The following BFAR variants were observed in gnomAD, a reference collection of about 807,000 sequenced individuals.
The protein encoded by BFAR is RING finger protein 47.
In BFAR, 52 loss-of-function variants were observed where a neutral mutation model predicts 54.4. The ratio of observed to expected loss-of-function variants is 0.96; its 90% CI spans 0.77 to 1.21. BFAR has a LOEUF of 1.21. BFAR is among the 50% of genes most tolerant of loss of function. The probability of loss-of-function intolerance (pLI) is 0.00; values close to 1 mark genes in which losing one functional copy is unlikely to be tolerated. For synonymous variants in BFAR, 215 were observed against 204.3 expected (o/e 1.05, Z -0.45); for missense variants, 571 against 534.0 (o/e 1.07, Z -0.68).
intron 6 of BFAR, among the ~76,000 whole-genome samples, chr16:14,664,057 A>C: frequency 6.6e-6 from 1 of 152,154 alleles, no homozygotes; most frequent in South Asian, 2.1e-4. Flanking sequence ...AGCCTGGCCA[A>C]CATGGCAAAA....
At chr16:14,642,496 A>G (rs1036112041) in intron 1 of BFAR, among the ~76,000 whole-genome samples, 1 of 152,184 alleles carries the variant, frequency 6.6e-6, no homozygotes, top group African/African-American at 2.4e-5. Context: ...AGATGAAAAC[A>G]AGAAGAGAAT....
In BFAR at chr16:14,659,735, A is replaced by G. The variant is rs1596990386; in HGVS notation, c.784-2157A>G. Among the ~76,000 whole-genome samples the G allele has an allele frequency of 1.4e-5, 2 of 147,086 alleles. 1 individual carries two copies. Among genetic ancestry groups the G allele is most frequent in the South Asian group, 4.3e-4 (2 of 4,612 alleles). ...CCGGCTAATTTTTTGTATTTTTAGT[A>G]GAGACGGGATTTCACCGTTTTAGCC... On this transcript the variant is annotated intron_variant, in intron 5 of 7. Transcript: ENST00000261658.
In BFAR at chr16:14,650,001, G is replaced by A. The variant is rs199502757; in HGVS notation, c.638+28G>A. The A allele has an allele frequency of 2.2e-5, 34 of 1,571,630 alleles. No homozygotes were observed. The East Asian group carries it at 4.1e-4, about 19-fold the overall frequency. ...GAGGAGCAAAGTCTTCTGACACACC[G>A]TGGACATTTTAGAAAACAGCTTTCT... On this transcript the variant is annotated intron_variant, in intron 4 of 7. Coordinates refer to ENST00000261658, the MANE Select transcript of BFAR (RefSeq NM_016561.3).
At chr16:14,662,464 C>T (rs1161488544) in intron 6 of BFAR, among the ~76,000 whole-genome samples, 2 of 152,134 alleles carry the variant, frequency 1.3e-5, no homozygotes, top group Admixed American at 1.3e-4. Flanking sequence ...ACCCAGTCTC[C>T]ACTTGCTGTT....
intron 1 of BFAR, among the ~76,000 whole-genome samples, chr16:14,640,532 G>A (rs1438778070): frequency 6.6e-6 from 1 of 151,818 alleles, no homozygotes; most frequent in Non-Finnish European, 1.5e-5. Context: ...TGTAAATGCT[G>A]GCACCTCATT....
At chr16:14,667,375 T>G in intron 7 of BFAR, 1 of 463,364 alleles carries the variant, frequency 2.2e-6, no homozygotes, top group African/African-American at 1.9e-5. Context: ...TGTAACAAAG[T>G]GATGAAGCAG....
chr16:14,636,688 ACGGGTGT>A (rs1959454156), intron 1 of BFAR, among the ~76,000 whole-genome samples: 2 of 152,188 alleles, frequency 1.3e-5, no homozygotes, highest in South Asian at 4.1e-4. Context: ...CAGACCCTTT[ACGGGTGT>A]CGGGCTGGGG....
chr16:14,651,719 A>T (rs532567927), intron 4 of BFAR, among the ~76,000 whole-genome samples: 1 of 151,854 alleles, frequency 6.6e-6, no homozygotes, highest in East Asian at 1.9e-4. Context: ...GACTCAAACA[A>T]TCCACCCGCC....
chr16:14,655,223 ATTTT>A lies in BFAR; in HGVS notation c.783+28_783+31del. 22 of 1,174,518 alleles carry A rather than the reference ATTTT, an allele frequency of 1.9e-5. No homozygotes were observed. Among genetic ancestry groups the A allele is most frequent in the Admixed American group, 3.5e-5 (1 of 28,390 alleles). 72.8% of individuals were successfully genotyped at this position (1,174,518 alleles called of 1,614,324 possible). On this transcript the variant is annotated intron_variant, in intron 5 of 7. Coordinates refer to ENST00000261658, the MANE Select transcript of BFAR (RefSeq NM_016561.3). ...CTGGGAATATAAGGTGAACACTTTA[ATTTT>A]TTTTTTTTTTTTTTACTTTTTATTT...
intron 1 of BFAR, among the ~76,000 whole-genome samples, chr16:14,635,213 T>C (rs115898663): frequency 3.2e-4 from 49 of 152,284 alleles, no homozygotes; most frequent in African/African-American, 1.1e-3. Flanking sequence ...TGGACGCCTG[T>C]AGTTCCAGCT....
At chr16:14,663,236 C>T (rs1960341947) in intron 6 of BFAR, among the ~76,000 whole-genome samples, 1 of 152,126 alleles carries the variant, frequency 6.6e-6, no homozygotes, top group South Asian at 2.1e-4. Flanking sequence ...CCCACCTTGC[C>T]CTCCCAAAGT....
intron 2 of BFAR, among the ~76,000 whole-genome samples, chr16:14,646,503 AT>A (rs1246239055): frequency 1.3e-4 from 18 of 133,774 alleles, no homozygotes; most frequent in Admixed American, 1.5e-4. Flanking sequence ...CCCAGCTAAA[AT>A]TTTTTTTTTT....
intron 2 of BFAR, among the ~76,000 whole-genome samples, chr16:14,645,049 C>T (rs1959750959): frequency 6.6e-6 from 1 of 152,176 alleles, no homozygotes; most frequent in Non-Finnish European, 1.5e-5. Flanking sequence ...ACCAGTGGCT[C>T]ACGCCTGTAA....
rs1017249550 is a variant in BFAR at position 14,667,925 on chromosome 16, C to G, written c.*98C>G. 86 of 1,285,202 alleles carry G rather than the reference C, an allele frequency of 6.7e-5. No homozygotes were observed. Among genetic ancestry groups the G allele is most frequent in the Non-Finnish European group, 9.1e-5 (83 of 914,650 alleles). The allele number at this position is 1,285,202 out of a possible 1,614,324, so 79.6% of individuals were successfully genotyped here. ...AGGGAGCGGACTTCCTATTTTCTAC[C>G]CTCAGTAAAACAAGGTGCTGCTTTG... On this transcript the variant is annotated 3_prime_UTR_variant, in exon 8 of 8. Coordinates refer to ENST00000261658, the MANE Select transcript of BFAR (RefSeq NM_016561.3).
chr16:14,647,497 G>A (rs992972863), intron 2 of BFAR, among the ~76,000 whole-genome samples: 2 of 151,934 alleles, frequency 1.3e-5, no homozygotes, highest in African/African-American at 2.4e-5. Context: ...AGGAATTCAA[G>A]ACCAGCCTAG....
chr16:14,662,432 C>T (rs1235753471), intron 6 of BFAR, among the ~76,000 whole-genome samples: 1 of 152,168 alleles, frequency 6.6e-6, no homozygotes, highest in Non-Finnish European at 1.5e-5. Flanking sequence ...AATCGGCTCC[C>T]TTGCACATTC....
intron 5 of BFAR, among the ~76,000 whole-genome samples, chr16:14,655,516 C>G (rs1158978508): frequency 6.6e-6 from 1 of 151,076 alleles, no homozygotes; most frequent in East Asian, 1.9e-4. Flanking sequence ...TCACTGCAAC[C>G]TCCACCTCCC....
chr16:14,663,120 G>C (rs574211855), intron 6 of BFAR, among the ~76,000 whole-genome samples: 2 of 152,198 alleles, frequency 1.3e-5, no homozygotes, highest in African/African-American at 2.4e-5. Flanking sequence ...GCGCAGCGCC[G>C]GGCTGTCTGC....
At chr16:14,634,134 C>T (rs1959357128) in intron 1 of BFAR, among the ~76,000 whole-genome samples, 1 of 152,186 alleles carries the variant, frequency 6.6e-6, no homozygotes, top group South Asian at 2.1e-4. Context: ...CGCCGAAGCC[C>T]ATTGGTCGGT....
Sources: allele counts gnomAD v4.1 joint callset (sites outside exome capture counted in the v4.1 genomes callset), GRCh38; gene constraint gnomAD v4.1.1; transcripts MANE v1.5; gene names NCBI Gene and HGNC (gene_info 2026-07-23, HGNC 2026-07-21).